RGS12: variants seen among roughly 807,000 people sequenced by gnomAD.
RGS12 encodes regulator of G-protein signaling 12.
A neutral mutation model predicts 120.1 loss-of-function variants in RGS12; 66 were observed. That is an observed-to-expected ratio of 0.55 (90% CI 0.45 to 0.67). The LOEUF (loss-of-function observed/expected upper bound fraction) is 0.67. RGS12 is among the 30% of genes least tolerant of loss of function. The pLI is 0.00. For missense variants in RGS12, 1,859 were observed against 1,957.7 expected (o/e 0.95, Z 0.95); for synonymous variants, 827 against 804.7 (o/e 1.03, Z -0.47).
intron 2 of RGS12, among the ~76,000 whole-genome samples, chr4:3,326,255 C>CT (rs1045216449): frequency 5.9e-5 from 9 of 151,558 alleles, no homozygotes; most frequent in East Asian, 3.9e-4. Flanking sequence ...ATGACATAAT[C>CT]TTTTTTTTTG....
rs78436243 is a variant in RGS12 at position 3,405,185 on chromosome 4, C to T, written c.2021-8887C>T. 7.9e-5 allele frequency among the ~76,000 whole-genome samples: 12 copies of T among 152,178 alleles called. No individual in the cohort carries two copies. The East Asian group carries it at 1.2e-3, about 15-fold the overall frequency. The stretch of plus-strand genomic sequence containing the variant: ...TAAAGTTGTGGACTCAGGCTTGATG[C>T]GAAGCAAGACACTTACAGAGCCTCG... On this transcript the variant is annotated intron_variant, in intron 4 of 17. Transcript: ENST00000336727.
chr4:3,411,469 G>A (rs960863733), intron 4 of RGS12, among the ~76,000 whole-genome samples: 8 of 152,230 alleles, frequency 5.3e-5, no homozygotes, highest in South Asian at 2.1e-4. Flanking sequence ...CTGCTCTGGC[G>A]TCTTGCTCAT....
chr4:3,314,318 T>C (rs532339427), intron 1 of RGS12: 1 of 152,332 alleles, frequency 6.6e-6, no homozygotes, highest in East Asian at 1.9e-4. Context: ...CAAATCTGTT[T>C]ATGATCCTAT....
chr4:3,437,855 C>T (rs1341457437), intron 17 of RGS12, among the ~76,000 whole-genome samples: 3 of 152,188 alleles, frequency 2.0e-5, no homozygotes, highest in Admixed American at 6.5e-5. Flanking sequence ...TGGGCACGCT[C>T]AAGAGGGGAG....
chr4:3,308,559 C>T (rs763299444), intron 1 of RGS12, among the ~76,000 whole-genome samples: 16 of 152,210 alleles, frequency 1.1e-4, no homozygotes, highest in Admixed American at 2.6e-4. Flanking sequence ...TCTGGGTGGC[C>T]TGTGCAGCCC....
rs370483597 is a variant in RGS12, at chr4:3,374,878, C to T, written c.1999-11538C>T. Among the ~76,000 whole-genome samples, 36 of 152,268 alleles carry T rather than the reference C, an allele frequency of 2.4e-4. No individual in the cohort carries two copies. The highest frequency in any genetic ancestry group is 5.8e-4 in the African/African-American group (24 of 41,554). On this transcript the variant is annotated intron_variant, in intron 3 of 17. Coordinates refer to ENST00000336727, the MANE Select transcript of RGS12 (RefSeq NM_001394154.1). This position sits in a 1 kb window ranked among gnomAD's most constrained non-coding sequence, Gnocchi z 6.3. Reference sequence around the variant, plus strand: ...GCTTTCTGCCTTGGACTGGGCTCTGCGGGGCAGGGCTGCCAGTTTGGGGTT... The same window carrying T: ...GCTTTCTGCCTTGGACTGGGCTCTGTGGGGCAGGGCTGCCAGTTTGGGGTT...
Position 3,386,685 on chromosome 4 carries a change from G to A in RGS12, c.2020+248G>A, listed in dbSNP as rs139706769. 4.7e-3 allele frequency among the ~76,000 whole-genome samples: 715 copies of A among 152,238 alleles called. 3 individuals carry two copies. Among genetic ancestry groups the A allele is most frequent in the Non-Finnish European group, 7.8e-3 (529 of 68,002 alleles). ...GCCCTGAACACCAGTGTGATAGAGC[G>A]CTGTGTGTCTGAGGAGTGCACCCAC... On this transcript the variant is annotated intron_variant, in intron 4 of 17. Coordinates refer to ENST00000336727, the MANE Select transcript of RGS12 (RefSeq NM_001394154.1).
At chr4:3,417,172 A>G in intron 8 of RGS12, 80 bp downstream of exon 8, 1 of 1,441,362 alleles carries the variant, frequency 6.9e-7, no homozygotes, top group Non-Finnish European at 9.2e-7. Flanking sequence ...GAGTGAAAAG[A>G]GGCCCTGTCG....
chr4:3,309,958 C>G (rs61367409), intron 1 of RGS12, among the ~76,000 whole-genome samples: 1 of 107,794 alleles, frequency 9.3e-6, no homozygotes, highest in Admixed American at 9.7e-5. Context: ...GGGAACCGTG[C>G]AGGGGAGGAG....
Position 3,417,438 on chromosome 4 carries a change from T to C in RGS12, c.2658T>C (p.Asp886=), listed in dbSNP as rs187145202. The C allele has an allele frequency of 1.5e-5, 24 of 1,606,712 alleles. No homozygotes were observed. The African/African-American group carries it at 3.1e-4, about 21-fold the overall frequency. Residue 886 remains aspartate (D), a synonymous_variant, in exon 9 of 18, where the codon GAT becomes GAC. Coordinates refer to ENST00000336727, the MANE Select transcript of RGS12 (RefSeq NM_001394154.1). ...GATCCCTGAATGAAGAGCTGGGGGA[T>C]GAGGACAGCGAGAAGAAGCGGAAAG... is the stretch of plus-strand genomic sequence containing the variant. The part of the protein sequence containing the change: ...SGRSLNEELG[D]EDSEKKRKGA...
In RGS12 at chr4:3,439,486, A is replaced by C. The variant is rs747165606; in HGVS notation, c.4146A>C (p.Pro1382=). Residue 1382 remains proline (P), a synonymous_variant, in exon 18 of 18, where the codon CCA becomes CCC. Transcript: ENST00000336727. ...GGACCCATGGCAGCCGAGACCTCCC[A>C]GTCAACAGAATCATCGATGTGGATC... ...GSGTHGSRDL[P]VNRIIDVDLV... The C allele has an allele frequency of 1.2e-6, 2 of 1,612,792 alleles. No individual in the cohort carries two copies. Among genetic ancestry groups the C allele is most frequent in the East Asian group, 4.5e-5 (2 of 44,852 alleles).
chr4:3,370,432 G>C, intron 3 of RGS12: 1 of 1,044,012 alleles, frequency 9.6e-7, no homozygotes, highest in South Asian at 1.3e-5. Context: ...TGCTTGTAAG[G>C]ATAAGCTTTG....
chr4:3,439,753 CCT>C lies in RGS12; in HGVS notation c.*71_*72del. On this transcript the variant is annotated 3_prime_UTR_variant, in exon 18 of 18. Transcript: ENST00000336727. The stretch of plus-strand genomic sequence containing the variant: ...GGGCAGCCCAGGTGGATTCTGTGGG[CCT>C]CAGGGGGGCCACCCTGGCCACCACA... The C allele has an allele frequency of 2.9e-6, 4 of 1,395,334 alleles. No homozygotes were observed. Among genetic ancestry groups the C allele is most frequent in the Non-Finnish European group, 3.8e-6 (4 of 1,055,932 alleles). 86.4% of individuals were successfully genotyped at this position (1,395,334 alleles called of 1,614,324 possible).
rs576263618 is a variant in RGS12, at chr4:3,316,206, G to T, written c.36G>T (p.Leu12Phe). The part of the protein sequence containing the change: ...FRAGEASKRP[L>F]PGPSPPRVRS... Reference sequence around the variant, plus strand: ...CTGGGGAGGCCTCCAAACGCCCATTGCCTGGGCCGTCGCCCCCAAGGGTGC... The same window carrying T: ...CTGGGGAGGCCTCCAAACGCCCATTTCCTGGGCCGTCGCCCCCAAGGGTGC... The change falls in exon 2 of 18, where the codon TTG becomes TTT. Residue 12 changes from leucine to phenylalanine, a missense_variant. Coordinates refer to ENST00000336727, the MANE Select transcript of RGS12 (RefSeq NM_001394154.1). 1.9e-6 allele frequency: 3 copies of T among 1,592,912 alleles called. No homozygotes were observed. Among genetic ancestry groups the T allele is most frequent in the African/African-American group, 2.7e-5 (2 of 74,510 alleles).
intron 4 of RGS12, among the ~76,000 whole-genome samples, chr4:3,401,695 G>A (rs992029148): frequency 2.0e-5 from 3 of 152,366 alleles, no homozygotes; most frequent in African/African-American, 7.2e-5. Flanking sequence ...GCACACTGTG[G>A]ACTAGGTAAC....
intron 1 of RGS12, among the ~76,000 whole-genome samples, chr4:3,299,313 C>T (rs1330544927): frequency 6.6e-6 from 1 of 152,130 alleles, no homozygotes; most frequent in Non-Finnish European, 1.5e-5. Flanking sequence ...CCTCACTGTT[C>T]AGCCACCCAG....
intron 2 of RGS12, among the ~76,000 whole-genome samples, chr4:3,340,762 A>AGATGCAGGCC (rs1712982328): frequency 6.6e-6 from 1 of 150,906 alleles, no homozygotes; most frequent in African/African-American, 2.4e-5. Context: ...AGGTGCAGGC[A>AGATGCAGGCC]GGTGCAGGCC....
At chr4:3,418,114 C>T (rs1722602938) in intron 9 of RGS12, 1 of 152,304 alleles carries the variant, frequency 6.6e-6, no homozygotes, top group Admixed American at 6.5e-5. Context: ...ATTCTGGATG[C>T]TCTGTCCCTT....
At chr4:3,296,493 GTCT>G (rs1161848882) in intron 1 of RGS12, among the ~76,000 whole-genome samples, 15 of 152,076 alleles carry the variant, frequency 9.9e-5, no homozygotes, top group African/African-American at 2.7e-4. Context: ...CCTAGCTTCT[GTCT>G]TCTTCTGCCA....
Sources: gnomAD v4.1 joint callset for allele counts (sites outside exome capture counted in the v4.1 genomes callset) on GRCh38, gnomAD v4.1.1 for gene constraint, Gnocchi (gnomAD v3.1) non-coding constraint, MANE v1.5 for transcripts, NCBI Gene and HGNC (gene_info 2026-07-23, HGNC 2026-07-21) for gene names.